Variants in CD84 observed in about 807,000 individuals in gnomAD.
CD84 encodes SLAM family member 5.
Under a neutral mutation model 33.8 loss-of-function variants are expected in CD84, and 22 were observed. The ratio of observed to expected loss-of-function variants is 0.65; its 90% CI spans 0.46 to 0.93. CD84 has a LOEUF of 0.93. Among genes scored for constraint, CD84 ranks in the 40% least tolerant of loss-of-function variants. The pLI, the probability that CD84 is intolerant of heterozygous loss-of-function variation, is 0.00. For synonymous variants in CD84, 154 were observed against 145.2 expected (o/e 1.06, Z -0.44); for missense variants, 400 against 397.6 (o/e 1.01, Z -0.05).
At chr1:160,565,380 G>A in intron 2 of CD84, 24 bp downstream of exon 2, 1 of 1,526,910 alleles carries the variant, frequency 6.5e-7, no homozygotes, top group Non-Finnish European at 8.8e-7. Context: ...TAAAACACAA[G>A]CTCTCCGTCT....
At chr1:160,560,504 G>A (rs549033235) in intron 2 of CD84, among the ~76,000 whole-genome samples, 15 of 152,246 alleles carry the variant, frequency 9.9e-5, no homozygotes, top group South Asian at 2.1e-4. Context: ...ATTGTTAAGA[G>A]GGAAACTTAC....
chr1:160,560,579 A>G (rs1656886931), intron 2 of CD84, among the ~76,000 whole-genome samples: 1 of 152,172 alleles, frequency 6.6e-6, no homozygotes. Context: ...ATCACAACTA[A>G]AAGAACTATA....
intron 1 of CD84, among the ~76,000 whole-genome samples, chr1:160,568,578 G>A (rs1657469024): frequency 6.6e-6 from 1 of 152,112 alleles, no homozygotes; most frequent in African/African-American, 2.4e-5. Context: ...TTCTACTTAT[G>A]AACTGGACAA....
chr1:160,565,898 T>C (rs1256315305), intron 1 of CD84, among the ~76,000 whole-genome samples, 153 bp from the exon 2 acceptor site: 1 of 151,856 alleles, frequency 6.6e-6, no homozygotes, highest in Non-Finnish European at 1.5e-5. Flanking sequence ...CATTCTACTC[T>C]AGGTGTATTT....
chr1:160,572,848 G>A (rs1657776503), intron 1 of CD84, among the ~76,000 whole-genome samples: 1 of 152,198 alleles, frequency 6.6e-6, no homozygotes, highest in Non-Finnish European at 1.5e-5. Context: ...CCTGTTCACT[G>A]TGACTCTTAG....
At chr1:160,569,664 A>T (rs181731167) in intron 1 of CD84, among the ~76,000 whole-genome samples, 21 of 152,234 alleles carry the variant, frequency 1.4e-4, no homozygotes, top group South Asian at 8.3e-4. Context: ...GGGATTGCTG[A>T]GCTGTAGTGG....
intron 5 of CD84, 49 bp from the exon 6 acceptor site, chr1:160,550,028 C>A (rs1355955376): frequency 7.0e-6 from 7 of 1,000,116 alleles, no homozygotes; most frequent in Non-Finnish European, 1.1e-5. Flanking sequence ...GGCCCATCTA[C>A]AAGTCCCCTT....
chr1:160,578,794 C>A (rs1225721338), intron 1 of CD84, among the ~76,000 whole-genome samples: 3 of 152,118 alleles, frequency 2.0e-5, no homozygotes, highest in Non-Finnish European at 4.4e-5. Context: ...AGTTCTCCAA[C>A]TCTTTTTTGA....
At chr1:160,567,352 C>T (rs1657395283) in intron 1 of CD84, among the ~76,000 whole-genome samples, 1 of 152,178 alleles carries the variant, frequency 6.6e-6, no homozygotes, top group African/African-American at 2.4e-5. Context: ...GCCCCAGGAA[C>T]AGCTGATGTA....
rs139298884 is a variant in CD84, at chr1:160,554,036, T to C, written c.499A>G (p.Asn167Asp). 6.2e-6 allele frequency: 10 copies of C among 1,614,218 alleles called. No individual in the cohort carries two copies. The highest frequency in any genetic ancestry group is 8.5e-6 in the Non-Finnish European group (10 of 1,180,036). Residue 167 changes from asparagine (N) to aspartate (D), a missense_variant, in exon 3 of 7, where the codon AAT (asparagine) becomes GAT (aspartate). Coordinates refer to ENST00000368054, the MANE Select transcript of CD84 (RefSeq NM_003874.4). ...VEKEEKNVTY[N>D]WSPLGEEGNV... ...CCCTCTTCTCCCAGGGGACTCCAAT[T>C]GTATGTCACATTCTTTTCTTCTTTC...
chr1:160,575,820 AG>A lies in CD84; in HGVS notation c.46+3571del, dbSNP rs1657966241. Among the ~76,000 whole-genome samples, 4 of 152,268 alleles carry A rather than the reference AG, an allele frequency of 2.6e-5. No individual in the cohort carries two copies. In the South Asian group the frequency reaches 8.3e-4, roughly 32 times the overall value. ...ACCGACCATCAGGCTCCTGTTGCGA[AG>A]GTGCTCTGGCTGCCTTGTTGGCCTC... On this transcript the variant is annotated intron_variant, in intron 1 of 6. Coordinates refer to ENST00000368054, the MANE Select transcript of CD84 (RefSeq NM_003874.4).
At position 160,549,892 on chromosome 1, in the gene CD84, G is replaced by A. The variant is rs373217464; in HGVS notation, c.921+25C>T. 10 of 1,570,986 alleles carry A rather than the reference G, an allele frequency of 6.4e-6. No individual in the cohort carries two copies. In the East Asian group the frequency reaches 9.0e-5, roughly 14 times the overall value. On this transcript the variant is annotated intron_variant, in intron 6 of 6. Coordinates refer to ENST00000368054, the MANE Select transcript of CD84 (RefSeq NM_003874.4). ...ATGGCTGGAAGAGTTAGGAAAGCAAGGATAAAAAGCCAGAAAGGGGTTACC... is the reference window on the plus strand; with the variant it reads ...ATGGCTGGAAGAGTTAGGAAAGCAAAGATAAAAAGCCAGAAAGGGGTTACC...
At chr1:160,552,422 C>G (rs1332984336) in intron 4 of CD84, among the ~76,000 whole-genome samples, 2 of 152,176 alleles carry the variant, frequency 1.3e-5, no homozygotes, top group Non-Finnish European at 2.9e-5. Context: ...TAACATTTAT[C>G]AAGTACTTAC....
In CD84 at chr1:160,547,250, A is replaced by G; in HGVS notation, c.*1006T>C. On this transcript the variant is annotated 3_prime_UTR_variant, in exon 7 of 7. Transcript: ENST00000368054. ...CCATCATCTCCCAAGTTCCTTCTGG[A>G]GAATGACTCTGCTTCTTGCAAGGTC... is the stretch of plus-strand genomic sequence containing the variant. 1 of 398,600 alleles carries G rather than the reference A, an allele frequency of 2.5e-6. No individual in the cohort carries two copies. The highest frequency in any genetic ancestry group is 4.4e-6 in the Non-Finnish European group (1 of 226,056). The allele number at this position is 398,600 out of a possible 1,614,324, so 24.7% of individuals were successfully genotyped here.
rs1212101719 is a variant in CD84 at position 160,550,054 on chromosome 1, TACCCACC to T, written c.859-82_859-76del. The T allele has an allele frequency of 1.4e-5, 14 of 1,019,050 alleles. No homozygotes were observed. The Admixed American group carries it at 2.5e-4, about 18-fold the overall frequency. 63.1% of individuals were successfully genotyped at this position (1,019,050 alleles called of 1,614,324 possible). Reference sequence around the variant, plus strand: ...AAGTCCCCTTTCCTAATTCTGCCTCTACCCACCATCCTTCCCTGGTCCCACATTTACT... The same window carrying T: ...AAGTCCCCTTTCCTAATTCTGCCTCTATCCTTCCCTGGTCCCACATTTACT... On this transcript the variant is annotated intron_variant, in intron 5 of 6. Coordinates refer to ENST00000368054, the MANE Select transcript of CD84 (RefSeq NM_003874.4).
chr1:160,543,582 C>G lies in CD84; in HGVS notation c.*4674G>C, dbSNP rs1275446601. The G allele has an allele frequency of 6.9e-6, 1 of 144,966 alleles. No homozygotes were observed. The highest frequency in any genetic ancestry group is 2.7e-5 in the African/African-American group (1 of 37,574). 9.0% of individuals were successfully genotyped at this position (144,966 alleles called of 1,614,324 possible). On this transcript the variant is annotated 3_prime_UTR_variant, in exon 7 of 7. Transcript: ENST00000368054. ...ATGATTCTTACAGGCTCCCTATCTT[C>G]AAGGAGCTCTCCATTATTATTTATT...
chr1:160,576,816 GA>G (rs1658015521), intron 1 of CD84, among the ~76,000 whole-genome samples: 1 of 152,076 alleles, frequency 6.6e-6, no homozygotes, highest in South Asian at 2.1e-4. Flanking sequence ...AATAACTGTA[GA>G]CTACTTAGAG....
At chr1:160,553,627 A>G in intron 3 of CD84, 130 bp from the exon 4 acceptor site, 4 of 1,155,446 alleles carry the variant, frequency 3.5e-6, no homozygotes, top group Non-Finnish European at 5.0e-6. Context: ...CTCCTAGGGA[A>G]ACTAAACTTT....
In CD84 at chr1:160,563,189, C is replaced by T. The variant is rs368550997; in HGVS notation, c.388+2215G>A. Among the ~76,000 whole-genome samples, 9 of 152,222 alleles carry T rather than the reference C, an allele frequency of 5.9e-5. No homozygotes were observed. In the East Asian group the frequency reaches 1.7e-3, roughly 29 times the overall value. On this transcript the variant is annotated intron_variant, in intron 2 of 6. Coordinates refer to ENST00000368054, the MANE Select transcript of CD84 (RefSeq NM_003874.4). ...CAACCATTGTGGAAGACAGTGTGGC[C>T]ATTCCTCAGAAACCTAGAGGCAGAA...
Sources: gnomAD v4.1 joint callset for allele counts (sites outside exome capture counted in the v4.1 genomes callset) on GRCh38, gnomAD v4.1.1 for gene constraint, MANE v1.5 for transcripts, NCBI Gene and HGNC (gene_info 2026-07-23, HGNC 2026-07-21) for gene names.